Variants in ECI2 observed in about 807,000 individuals in gnomAD.
ECI2 encodes the protein D3,D2-enoyl-CoA isomerase.
A neutral mutation model predicts 38.4 loss-of-function variants in ECI2; 27 were observed. The observed-to-expected ratio is 0.70, with a 90% confidence interval of 0.52 to 0.97. ECI2 has a LOEUF of 0.97. Ranked by LOEUF, ECI2 falls within the 50% of genes least tolerant of loss-of-function variation. The pLI, the probability that ECI2 is intolerant of heterozygous loss-of-function variation, is 0.00. For missense variants in ECI2, 470 were observed against 474.4 expected (o/e 0.99, Z 0.09); for synonymous variants, 168 against 172.0 (o/e 0.98, Z 0.18).
chr6:4,126,086 T>C, intron 6 of ECI2, 49 bp downstream of exon 6: 2 of 1,472,994 alleles, frequency 1.4e-6, no homozygotes, highest in Non-Finnish European at 1.9e-6. Context: ...ACCACTTTGA[T>C]GACTAAGAAC....
At chr6:4,120,812 C>T (rs1215392826) in intron 7 of ECI2, among the ~76,000 whole-genome samples, 1 of 151,982 alleles carries the variant, frequency 6.6e-6, no homozygotes, top group Non-Finnish European at 1.5e-5. Context: ...TGTTGTTATG[C>T]AGCACCTGAC....
At position 4,119,029 on chromosome 6, in the gene ECI2, C is replaced by T. The variant is rs1027447530; in HGVS notation, c.885+157G>A. Reference sequence around the variant, plus strand: ...AGCAGATACTTCCCATAGCCTGATTCCTCCATTGGTAAAACTCTTAAAGAG... The same window carrying T: ...AGCAGATACTTCCCATAGCCTGATTTCTCCATTGGTAAAACTCTTAAAGAG... On this transcript the variant is annotated intron_variant, in intron 8 of 9. Transcript: ENST00000380118. 4 of 600,084 alleles carry T rather than the reference C, an allele frequency of 6.7e-6. 1 individual carries two copies. In the South Asian group the frequency reaches 9.1e-5, roughly 14 times the overall value. The allele number at this position is 600,084 out of a possible 1,614,324, so 37.2% of individuals were successfully genotyped here.
intron 9 of ECI2, 56 bp downstream of exon 9, chr6:4,117,252 T>G: frequency 6.5e-7 from 1 of 1,537,910 alleles, no homozygotes; most frequent in South Asian, 1.3e-5. Context: ...GGCAAATAAA[T>G]TTTTCCCTTA....
At chr6:4,134,439 A>C (rs878937169) in intron 1 of ECI2, among the ~76,000 whole-genome samples, 1 of 152,200 alleles carries the variant, frequency 6.6e-6, no homozygotes, top group Admixed American at 6.5e-5. Flanking sequence ...CACGTTTTTA[A>C]GCACACATAG....
intron 7 of ECI2, 41 bp from the exon 8 acceptor site, chr6:4,119,316 G>T (rs1274368178): frequency 9.1e-6 from 13 of 1,424,714 alleles, no homozygotes; most frequent in South Asian, 2.5e-5. Flanking sequence ...CTTTTCATGT[G>T]TGATTTTTTT....
Position 4,115,851 on chromosome 6 carries a change from G to A in ECI2, c.*23C>T. 1 of 1,595,800 alleles carries A rather than the reference G, an allele frequency of 6.3e-7. No homozygotes were observed. The highest frequency in any genetic ancestry group is 1.2e-5 in the South Asian group (1 of 86,928). On this transcript the variant is annotated 3_prime_UTR_variant, in exon 10 of 10. Transcript: ENST00000380118. ...TAACAGCACATCCTTCCTTGGACAT[G>A]CTTTACTCTGCTGTAGTGGTCATCA...
intron 7 of ECI2, among the ~76,000 whole-genome samples, chr6:4,120,873 T>A (rs1170641253): frequency 2.6e-5 from 4 of 152,198 alleles, no homozygotes. Context: ...AAAAAAAATT[T>A]AAAAATAAAA....
At chr6:4,133,861 A>T in intron 1 of ECI2, 150 bp from the exon 2 acceptor site, 14 of 878,668 alleles carry the variant, frequency 1.6e-5, no homozygotes, top group Non-Finnish European at 2.2e-5. Context: ...GGCTGCAAAT[A>T]ATTGGCTGTA....
At chr6:4,132,066 A>T (rs1773529529) in intron 2 of ECI2, among the ~76,000 whole-genome samples, 1 of 152,120 alleles carries the variant, frequency 6.6e-6, no homozygotes. Flanking sequence ...GGCACCCAGG[A>T]CCACCCTCAA....
In ECI2 at chr6:4,117,396, T is replaced by G; in HGVS notation, c.941A>C (p.Gln314Pro). The change falls in exon 9 of 10, where the codon CAA (glutamine) becomes CCA (proline). Residue 314 changes from glutamine (Q) to proline (P), a missense_variant. Coordinates refer to ENST00000380118, the MANE Select transcript of ECI2 (RefSeq NM_206836.3). ...KKLTAGEACAQGLVTEVFPDS... is the reference protein window; with the variant it reads ...KKLTAGEACAPGLVTEVFPDS... ...AGGGAAAACTTCAGTAACAAGTCCT[T>G]GAGCACATGCCTCTCCCGCTGTTAA... 1 of 1,614,196 alleles carries G rather than the reference T, an allele frequency of 6.2e-7. No homozygotes were observed. The highest frequency in any genetic ancestry group is 1.3e-5 in the African/African-American group (1 of 75,066).
At chr6:4,121,706 T>C (rs1387845655) in intron 7 of ECI2, among the ~76,000 whole-genome samples, 2 of 151,034 alleles carry the variant, frequency 1.3e-5, no homozygotes, top group Non-Finnish European at 3.0e-5. Context: ...TTTTTTTTTT[T>C]TACATTTAAG....
intron 4 of ECI2, 65 bp downstream of exon 4, chr6:4,130,307 T>C: frequency 1.2e-6 from 2 of 1,613,792 alleles, no homozygotes; most frequent in Non-Finnish European, 1.7e-6. Context: ...ACTCTACAGC[T>C]TTTGTGTGAA....
rs1001362690 is a variant in ECI2 at position 4,130,577 on chromosome 6, A to G, written c.313-17T>C. ...GGCAGCTTCCTGAACGGACGATGAC[A>G]AACAACCTCAGCCCATGGTCAATGA... On this transcript the variant is annotated splice_polypyrimidine_tract_variant and intron_variant, in intron 3 of 9. Transcript: ENST00000380118. The G allele has an allele frequency of 1.9e-6, 3 of 1,614,176 alleles. No individual in the cohort carries two copies. The highest frequency in any genetic ancestry group is 1.7e-6 in the Non-Finnish European group (2 of 1,180,032).
rs112208394 is a variant in ECI2, at chr6:4,125,085, T to C, written c.795+165A>G. On this transcript the variant is annotated intron_variant, in intron 7 of 9. Transcript: ENST00000380118. Reference sequence around the variant, plus strand: ...ATGCAAGTTAATAATGAAGGAAAAATAAAATCAGTCAAATCAGCCTAATGC... The same window carrying C: ...ATGCAAGTTAATAATGAAGGAAAAACAAAATCAGTCAAATCAGCCTAATGC... 2.8e-3 allele frequency: 3,339 copies of C among 1,182,358 alleles called. 79 individuals are homozygous for C. In the African/African-American group the frequency reaches 0.043, roughly 15 times the overall value. 73.2% of individuals were successfully genotyped at this position (1,182,358 alleles called of 1,614,324 possible).
intron 6 of ECI2, chr6:4,125,576 A>C (rs1773095114): frequency 1.5e-6 from 1 of 664,638 alleles, no homozygotes; most frequent in Non-Finnish European, 2.5e-6. Flanking sequence ...AGTGGATGGA[A>C]GACCAACCAG....
At chr6:4,130,284 G>A (rs1416919514) in intron 4 of ECI2, 88 bp downstream of exon 4, 2 of 1,613,416 alleles carry the variant, frequency 1.2e-6, no homozygotes, top group Admixed American at 1.7e-5. Flanking sequence ...CTTAAAATAG[G>A]AATGATGCTG....
At chr6:4,135,288 A>C (rs1581999952) in intron 1 of ECI2, 1 of 1,319,640 alleles carries the variant, frequency 7.6e-7, no homozygotes, top group Non-Finnish European at 1.0e-6. Context: ...CATAGCCCTG[A>C]CCTCCCGACG....
intron 4 of ECI2, among the ~76,000 whole-genome samples, chr6:4,128,945 A>G (rs1486009868): frequency 6.6e-6 from 1 of 152,178 alleles, no homozygotes; most frequent in East Asian, 1.9e-4. Flanking sequence ...GAGGGAAGTG[A>G]TAAGGAACTC....
chr6:4,127,041 G>A (rs529862258), intron 5 of ECI2, among the ~76,000 whole-genome samples: 3 of 152,226 alleles, frequency 2.0e-5, no homozygotes, highest in East Asian at 3.9e-4. Flanking sequence ...TTTGTCTACT[G>A]TAGAACTTTC....
Sources: allele counts gnomAD v4.1 joint callset (sites outside exome capture counted in the v4.1 genomes callset), GRCh38; gene constraint gnomAD v4.1.1; transcripts MANE v1.5; gene names NCBI Gene and HGNC (gene_info 2026-07-23, HGNC 2026-07-21).